Variants in TBL1XR1 observed in about 807,000 individuals in gnomAD.
TBL1XR1 encodes F-box-like/WD repeat-containing protein TBL1XR1.
Under a neutral mutation model 66.9 loss-of-function variants are expected in TBL1XR1, and 5 were observed. The ratio of observed to expected loss-of-function variants is 0.07; its 90% confidence interval spans 0.04 to 0.16. The LOEUF (loss-of-function observed/expected upper bound fraction) is 0.16, where lower values mean the gene tolerates loss of function less well. Among genes scored for constraint, TBL1XR1 ranks in the 10% least tolerant of loss-of-function variants. The pLI is 1.00. For synonymous variants in TBL1XR1, 210 were observed against 206.0 expected (o/e 1.02, Z -0.17); for missense variants, 238 against 623.2 (o/e 0.38, Z 6.58).
At chr3:177,079,501 T>C (rs1041648900) in intron 2 of TBL1XR1, 4 of 151,936 alleles carry the variant, frequency 2.6e-5, no homozygotes, top group Non-Finnish European at 5.9e-5. Flanking sequence ...TTGGACTTAT[T>C]TGTAATTTTT....
chr3:177,116,270 T>G (rs1220729459), intron 1 of TBL1XR1, among the ~76,000 whole-genome samples: 3 of 152,142 alleles, frequency 2.0e-5, no homozygotes, highest in Non-Finnish European at 4.4e-5. Flanking sequence ...ACCCCAAACT[T>G]GTTCCTCTTC....
At chr3:177,189,375 G>A (rs1735831034) in intron 1 of TBL1XR1, among the ~76,000 whole-genome samples, 2 of 152,122 alleles carry the variant, frequency 1.3e-5, no homozygotes, top group Admixed American at 6.6e-5. Flanking sequence ...AAATTAGCTG[G>A]GCGTGGTGGT....
At chr3:177,107,542 G>A (rs1725028657) in intron 1 of TBL1XR1, among the ~76,000 whole-genome samples, 1 of 152,138 alleles carries the variant, frequency 6.6e-6, no homozygotes, top group African/African-American at 2.4e-5. Flanking sequence ...AGAATGCCAA[G>A]TTCTCATCCG....
chr3:177,148,405 G>A (rs552040983), intron 1 of TBL1XR1, among the ~76,000 whole-genome samples: 1 of 152,284 alleles, frequency 6.6e-6, no homozygotes, highest in South Asian at 2.1e-4. Flanking sequence ...CTAAAGACAT[G>A]GCATACTCTT....
chr3:177,030,803 T>A (rs961806503), intron 14 of TBL1XR1, among the ~76,000 whole-genome samples: 2 of 152,204 alleles, frequency 1.3e-5, no homozygotes, highest in Admixed American at 1.3e-4. Context: ...TAACTGTTGT[T>A]CAGTTTTAAA....
At chr3:177,201,155 G>C (rs1315972634), upstream of TBL1XR1, among the ~76,000 whole-genome samples, 1 of 151,994 alleles carries the variant, frequency 6.6e-6, no homozygotes, top group Non-Finnish European at 1.5e-5. Context: ...GCTCACACCT[G>C]TAATCCCAGC....
At chr3:177,039,253 T>C (rs999692291) in intron 10 of TBL1XR1, among the ~76,000 whole-genome samples, 20 of 152,178 alleles carry the variant, frequency 1.3e-4, no homozygotes, top group Non-Finnish European at 2.8e-4. Flanking sequence ...CCCAAACACT[T>C]AGATAAGGGA....
chr3:177,044,760 T>G (rs1577011909), intron 10 of TBL1XR1: 1 of 152,170 alleles, frequency 6.6e-6, no homozygotes, highest in Non-Finnish European at 1.5e-5. Flanking sequence ...ACTTTGATAC[T>G]ATGTACCTCA....
chr3:177,082,730 G>GT (rs1721556277), intron 2 of TBL1XR1, among the ~76,000 whole-genome samples: 1 of 29,576 alleles, frequency 3.4e-5, no homozygotes, highest in Admixed American at 3.8e-4. Flanking sequence ...AAATTTCTAA[G>GT]ATAGAGATTA....
chr3:177,133,031 G>A (rs547464407), intron 1 of TBL1XR1, among the ~76,000 whole-genome samples: 1 of 152,336 alleles, frequency 6.6e-6, no homozygotes, highest in South Asian at 2.1e-4. Context: ...GCTCACGCCT[G>A]GAATCCCAGC....
At chr3:177,164,524 ATT>A (rs1331519893) in intron 1 of TBL1XR1, among the ~76,000 whole-genome samples, 1 of 151,580 alleles carries the variant, frequency 6.6e-6, no homozygotes, top group Non-Finnish European at 1.5e-5. Flanking sequence ...TAATTTTTGT[ATT>A]TTCAGTAGAG....
chr3:177,122,962 A>G (rs564806431), intron 1 of TBL1XR1, among the ~76,000 whole-genome samples: 2 of 152,248 alleles, frequency 1.3e-5, no homozygotes, highest in East Asian at 3.9e-4. Context: ...CATTATGAAA[A>G]AAGTCAGCCA....
At chr3:177,030,931 G>A (rs1260642808) in intron 14 of TBL1XR1, among the ~76,000 whole-genome samples, 2 of 152,096 alleles carry the variant, frequency 1.3e-5, no homozygotes, top group Non-Finnish European at 2.9e-5. Flanking sequence ...GGCCAACATG[G>A]TGAAACTCCA....
rs1712908734 is a variant in TBL1XR1 at position 177,025,022 on chromosome 3, A to AAACTTG, written c.*475_*476insCAAGTT. The AAACTTG allele has an allele frequency of 6.4e-6, 1 of 155,846 alleles. No homozygotes were observed. The highest frequency in any genetic ancestry group is 2.4e-5 in the African/African-American group (1 of 41,586). 9.7% of individuals were successfully genotyped at this position (155,846 alleles called of 1,614,324 possible). ...ATCCATAATCTAAACCAAAAACGAA[A>AAACTTG]TTTTAAAGCAAGAACAAACTACTGC... On this transcript the variant is annotated 3_prime_UTR_variant, in exon 16 of 16. Coordinates refer to ENST00000457928, the MANE Select transcript of TBL1XR1 (RefSeq NM_024665.7).
chr3:177,165,031 T>C (rs1279167372), intron 1 of TBL1XR1, among the ~76,000 whole-genome samples: 1 of 152,212 alleles, frequency 6.6e-6, no homozygotes, highest in Non-Finnish European at 1.5e-5. Flanking sequence ...CCTTCCTTCT[T>C]TCTCGTATCT....
chr3:177,154,399 A>C (rs1447552580), intron 1 of TBL1XR1, among the ~76,000 whole-genome samples: 5 of 114,918 alleles, frequency 4.4e-5, no homozygotes, highest in East Asian at 2.1e-4. Flanking sequence ...GAAATTGACA[A>C]ACTTTTTTTT....
At chr3:177,112,107 A>ATATATATATATATTTTTTTT in intron 1 of TBL1XR1, among the ~76,000 whole-genome samples, 4 of 37,648 alleles carry the variant, frequency 1.1e-4, no homozygotes, top group Non-Finnish European at 1.3e-4. Context: ...ATATATATAT[A>ATATATATATATATTTTTTTT]TTTTTTTTTT....
At chr3:177,095,477 G>A (rs1723354930) in intron 2 of TBL1XR1, among the ~76,000 whole-genome samples, 1 of 148,696 alleles carries the variant, frequency 6.7e-6, no homozygotes, top group Non-Finnish European at 1.5e-5. Flanking sequence ...TATAAATCAT[G>A]ATTAAAGGTG....
At chr3:177,192,745 T>TA (rs1371247939) in intron 1 of TBL1XR1, among the ~76,000 whole-genome samples, 19 of 152,220 alleles carry the variant, frequency 1.2e-4, no homozygotes, top group African/African-American at 4.6e-4. Flanking sequence ...AGGAGCAACT[T>TA]ACACTTACAG....
Sources: gnomAD v4.1 joint callset for allele counts (sites outside exome capture counted in the v4.1 genomes callset) on GRCh38, gnomAD v4.1.1 for gene constraint, MANE v1.5 for transcripts, NCBI Gene and HGNC (gene_info 2026-07-23, HGNC 2026-07-21) for gene names.